Variants in CSPG5 observed in about 807,000 individuals in gnomAD.
The protein encoded by CSPG5 is acidic leucine-rich EGF-like domain-containing brain protein.
CSPG5 carries 25 observed loss-of-function variants against 39.8 expected under a neutral mutation model. The ratio of observed to expected loss-of-function variants is 0.63; its 90% CI spans 0.46 to 0.88. The LOEUF is 0.88. Ranked by LOEUF, CSPG5 falls within the 40% of genes least tolerant of loss-of-function variation. CSPG5 has a pLI of 0.00. For synonymous variants in CSPG5, 295 were observed against 303.9 expected (o/e 0.97, Z 0.31); for missense variants, 627 against 702.2 (o/e 0.89, Z 1.21).
rs200967005 is a variant in CSPG5 at position 47,572,868 on chromosome 3, G to T, written c.1200C>A (p.Asn400Lys). 1 of 1,604,654 alleles carries T rather than the reference G, an allele frequency of 6.2e-7. No homozygotes were observed. The highest frequency in any genetic ancestry group is 1.7e-5 in the Admixed American group (1 of 59,274). The change falls in exon 3 of 5, where the codon AAC becomes AAA. Residue 400 changes from asparagine to lysine, a missense_variant. Coordinates refer to ENST00000264723, the MANE Select transcript of CSPG5 (RefSeq NM_006574.4). This position sits in a 1 kb window ranked among gnomAD's most constrained non-coding sequence, Gnocchi z 4.5. Reference protein sequence around the residue: ...VENIGAFCRCNTQDYIWHKGM... With the variant: ...VENIGAFCRCKTQDYIWHKGM... ...CCTTGTGCCAGATGTAGTCCTGCGT[G>T]TTGCACCTGCAGCAGCGACATTGAG...
At chr3:47,570,402 C>A (rs1244004889) in intron 3 of CSPG5, among the ~76,000 whole-genome samples, 2 of 151,834 alleles carry the variant, frequency 1.3e-5, no homozygotes, top group African/African-American at 4.8e-5. Flanking sequence ...CAGCATCCAG[C>A]CAAATGCCAT....
chr3:47,565,350 T>C (rs940772335), intron 4 of CSPG5, among the ~76,000 whole-genome samples: 1 of 152,264 alleles, frequency 6.6e-6, no homozygotes, highest in East Asian at 1.9e-4. Flanking sequence ...TACACCAAGA[T>C]GGGGCTCTCC....
At chr3:47,564,996 C>T (rs1457004577) in intron 4 of CSPG5, among the ~76,000 whole-genome samples, 4 of 152,142 alleles carry the variant, frequency 2.6e-5, no homozygotes, top group Non-Finnish European at 4.4e-5. Flanking sequence ...CACCTCTCCT[C>T]TTACAAGGAT....
Position 47,578,092 on chromosome 3 carries a change from T to G in CSPG5, c.98-164A>C. On this transcript the variant is annotated intron_variant, in intron 1 of 4. Coordinates refer to ENST00000264723, the MANE Select transcript of CSPG5 (RefSeq NM_006574.4). This position sits in a 1 kb window ranked among gnomAD's most constrained non-coding sequence, Gnocchi z 6.0. ...TGTGACCCCAGCCACCCGGTACCTCTAAGCCCCGTCCCGGAGTCTGCCCCC... is the reference window on the plus strand; with the variant it reads ...TGTGACCCCAGCCACCCGGTACCTCGAAGCCCCGTCCCGGAGTCTGCCCCC... 2.2e-5 allele frequency: 24 copies of G among 1,076,950 alleles called. No homozygotes were observed. The highest frequency in any genetic ancestry group is 3.3e-5 in the South Asian group (1 of 30,124). 66.7% of individuals were successfully genotyped at this position (1,076,950 alleles called of 1,614,324 possible).
chr3:47,566,367 C>G (rs2031299941), intron 4 of CSPG5, among the ~76,000 whole-genome samples: 1 of 152,156 alleles, frequency 6.6e-6, no homozygotes, highest in Non-Finnish European at 1.5e-5. Flanking sequence ...CTCACTCTCC[C>G]CGGCTGCTGG....
rs1200450958 is a variant in CSPG5 at position 47,578,358 on chromosome 3, T to G, written c.97+239A>C. On this transcript the variant is annotated intron_variant, in intron 1 of 4. Coordinates refer to ENST00000264723, the MANE Select transcript of CSPG5 (RefSeq NM_006574.4). The surrounding 1 kb of genome is among the most constrained non-coding windows in gnomAD (Gnocchi z 6.0). ...GCCCCGCCCCCGGCCCCGCCCCCAG[T>G]CCGCACCGCGGCCCGCGCGCTTGGG... Among the ~76,000 whole-genome samples the G allele has an allele frequency of 5.9e-5, 4 of 67,564 alleles. No homozygotes were observed. Among genetic ancestry groups the G allele is most frequent in the Non-Finnish European group, 1.2e-4 (4 of 33,998 alleles). The allele number at this position is 67,564 out of a possible 152,430, so 44.3% of individuals were successfully genotyped here.
chr3:47,569,055 G>C (rs771470758), intron 4 of CSPG5, 97 bp downstream of exon 4: 3 of 1,481,206 alleles, frequency 2.0e-6, no homozygotes, highest in Non-Finnish European at 1.8e-6. Context: ...GGAGAGATGT[G>C]AAGAAAACAA....
chr3:47,569,810 C>T (rs185278331), intron 3 of CSPG5, among the ~76,000 whole-genome samples: 1 of 148,844 alleles, frequency 6.7e-6, no homozygotes, highest in East Asian at 2.0e-4. Flanking sequence ...TGCAGTGGCA[C>T]AATCACAGCT....
At position 47,562,615 on chromosome 3, in the gene CSPG5, C is replaced by T; in HGVS notation, c.1605G>A (p.Gln535=). 6.4e-7 allele frequency: 1 copy of T among 1,567,624 alleles called. No homozygotes were observed. ...DQADLDVNCL[Q]NNLT ...TTGCTCTGCTTTAGGTTAAATTATT[C>T]TGAAGACAGTTCACATCCAAGTCAG... Residue 535 remains glutamine (Q), a synonymous_variant, in exon 5 of 5, where the codon CAG becomes CAA. Coordinates refer to ENST00000264723, the MANE Select transcript of CSPG5 (RefSeq NM_006574.4).
intron 3 of CSPG5, among the ~76,000 whole-genome samples, chr3:47,571,095 T>TAAA (rs138935167): frequency 5.6e-4 from 80 of 143,116 alleles, no homozygotes; most frequent in Non-Finnish European, 8.8e-4. Context: ...TCAATTAAAT[T>TAAA]AAAAAAAAAA....
chr3:47,575,756 T>G (rs371488675), intron 2 of CSPG5, among the ~76,000 whole-genome samples: 123 of 152,190 alleles, frequency 8.1e-4, no homozygotes, highest in African/African-American at 2.8e-3. Flanking sequence ...TCCAGGGAAC[T>G]GGCCCCTCCT....
chr3:47,563,946 T>A (rs1043544181), intron 4 of CSPG5, among the ~76,000 whole-genome samples: 1 of 152,230 alleles, frequency 6.6e-6, no homozygotes, highest in Non-Finnish European at 1.5e-5. Context: ...CTGTGGCAAA[T>A]CTTGCTTTAC....
chr3:47,578,913 T>TCACC (rs933062678), upstream of CSPG5: 13 of 148,824 alleles, frequency 8.7e-5, no homozygotes, highest in South Asian at 9.0e-4. This position sits in a 1 kb window ranked among gnomAD's most constrained non-coding sequence, Gnocchi z 6.0. Context: ...AGCGCCGCCC[T>TCACC]CACCCCGCCC....
At chr3:47,570,093 T>A (rs2031472745) in intron 3 of CSPG5, among the ~76,000 whole-genome samples, 4 of 151,866 alleles carry the variant, frequency 2.6e-5, no homozygotes, top group Admixed American at 2.0e-4. Context: ...TTTTTTTTTT[T>A]ATTTTACTTT....
Position 47,578,058 on chromosome 3 carries a change from C to G in CSPG5, c.98-130G>C. ...CAGACCTCGCCACCCTCAGACCCCA[C>G]CGCCCCAGTGTGACCCCAGCCACCC... On this transcript the variant is annotated intron_variant, in intron 1 of 4. Transcript: ENST00000264723. The surrounding 1 kb of genome is among the most constrained non-coding windows in gnomAD (Gnocchi z 6.0). The G allele has an allele frequency of 7.8e-7, 1 of 1,286,376 alleles. No homozygotes were observed. The allele number at this position is 1,286,376 out of a possible 1,614,324, so 79.7% of individuals were successfully genotyped here. A position where few individuals can be genotyped will look rare whatever the true frequency, so the allele number is the denominator to read the frequency against.
chr3:47,573,734 C>T (rs569221320), intron 2 of CSPG5, among the ~76,000 whole-genome samples: 6 of 152,278 alleles, frequency 3.9e-5, no homozygotes, highest in East Asian at 3.9e-4. Context: ...GCTCCAGAAA[C>T]GGGGAAATTA....
At position 47,572,872 on chromosome 3, in the gene CSPG5, C is replaced by T; in HGVS notation, c.1196G>A (p.Cys399Tyr). 2 of 1,603,418 alleles carry T rather than the reference C, an allele frequency of 1.2e-6. No individual in the cohort carries two copies. The highest frequency in any genetic ancestry group is 1.7e-6 in the Non-Finnish European group (2 of 1,172,442). Residue 399 changes from cysteine to tyrosine, a missense_variant and splice_region_variant, in exon 3 of 5, where the codon TGC becomes TAC. By Grantham distance (194) the Cys-to-Tyr change is radical. Coordinates refer to ENST00000264723, the MANE Select transcript of CSPG5 (RefSeq NM_006574.4). The surrounding 1 kb of genome is among the most constrained non-coding windows in gnomAD (Gnocchi z 4.5). ...GTGCCAGATGTAGTCCTGCGTGTTG[C>T]ACCTGCAGCAGCGACATTGAGAAAC... The part of the protein sequence containing the change: ...LVENIGAFCR[C>Y]NTQDYIWHKG...
At chr3:47,569,105 C>A (rs951427283) in intron 4 of CSPG5, 47 bp downstream of exon 4, 1 of 1,568,656 alleles carries the variant, frequency 6.4e-7, no homozygotes, top group Admixed American at 2.0e-5. Context: ...AGCCAAGGCA[C>A]GGGCATGGGG....
At chr3:47,563,990 C>A (rs1181564984) in intron 4 of CSPG5, among the ~76,000 whole-genome samples, 1 of 152,206 alleles carries the variant, frequency 6.6e-6, no homozygotes, top group Non-Finnish European at 1.5e-5. Flanking sequence ...GGGGAATATA[C>A]CCAGTGCAAT....
Sources: gnomAD v4.1 joint callset for allele counts (sites outside exome capture counted in the v4.1 genomes callset) on GRCh38, gnomAD v4.1.1 for gene constraint, Gnocchi (gnomAD v3.1) non-coding constraint, MANE v1.5 for transcripts, NCBI Gene and HGNC (gene_info 2026-07-23, HGNC 2026-07-21) for gene names.